Variants in ARHGAP40 observed in about 807,000 individuals in gnomAD.
ARHGAP40 encodes the protein rho GTPase-activating protein 40.
Under a neutral mutation model 73.5 loss-of-function variants are expected in ARHGAP40, and 43 were observed. The observed-to-expected ratio is 0.58, with a 90% CI of 0.46 to 0.75. ARHGAP40 has a LOEUF of 0.75. Ranked by LOEUF, ARHGAP40 falls within the 30% of genes least tolerant of loss-of-function variation. The probability of loss-of-function intolerance (pLI) is 0.00; values close to 1 mark genes in which losing one functional copy is unlikely to be tolerated. For missense variants in ARHGAP40, 734 were observed against 861.8 expected (o/e 0.85, Z 1.86); for synonymous variants, 300 against 352.8 (o/e 0.85, Z 1.68).
rs1215152003 is a variant in ARHGAP40 at position 38,641,710 on chromosome 20, C to A, written c.1280-16C>A. 1 of 1,293,476 alleles carries A rather than the reference C, an allele frequency of 7.7e-7. No individual in the cohort carries two copies. Among genetic ancestry groups the A allele is most frequent in the Non-Finnish European group, 1.0e-6 (1 of 984,212 alleles). 80.1% of individuals were successfully genotyped at this position (1,293,476 alleles called of 1,614,324 possible). A position where few individuals can be genotyped will look rare whatever the true frequency, so the allele number is the denominator to read the frequency against. On this transcript the variant is annotated splice_polypyrimidine_tract_variant and intron_variant, in intron 9 of 14. Transcript: ENST00000373345. Reference sequence around the variant, plus strand: ...CTGAGCCTCCCATGGAGACTGAGGTCCCTCCCTTCCCGCAGACATCCCCAA... The same window carrying A: ...CTGAGCCTCCCATGGAGACTGAGGTACCTCCCTTCCCGCAGACATCCCCAA...
At chr20:38,622,045 C>A (rs184535415) in intron 1 of ARHGAP40, among the ~76,000 whole-genome samples, 1 of 151,450 alleles carries the variant, frequency 6.6e-6, no homozygotes, top group African/African-American at 2.4e-5. Flanking sequence ...TAGAACCAGA[C>A]CTTGCCTCAA....
In ARHGAP40 at chr20:38,623,382, T is replaced by G. The variant is rs556938634; in HGVS notation, c.161T>G (p.Met54Arg). ...AGCTCTGGCCCCTCCTCAGGCCGAA[T>G]GGATCAGCTTCCCCAGAAGAATCTC... The change falls in exon 2 of 15, where the codon ATG (methionine) becomes AGG (arginine). Residue 54 changes from methionine (M) to arginine (R), a missense_variant. Met to Arg is a moderately conservative substitution (Grantham distance 91). Coordinates refer to ENST00000373345, the Ensembl canonical transcript of ARHGAP40. 104 of 1,290,726 alleles carry G rather than the reference T, an allele frequency of 8.1e-5. No homozygotes were observed. In the African/African-American group the frequency reaches 1.3e-3, roughly 17 times the overall value. 80.0% of individuals were successfully genotyped at this position (1,290,726 alleles called of 1,614,324 possible).
intron 13 of ARHGAP40, 62 bp from the exon 14 acceptor site, chr20:38,648,581 G>T: frequency 8.0e-7 from 1 of 1,253,218 alleles, no homozygotes. Flanking sequence ...CACAGTTGTT[G>T]GTCTTGATGT....
Position 38,646,505 on chromosome 20 carries a change from T to C in ARHGAP40, c.1710+318T>C, listed in dbSNP as rs918315317. Among the ~76,000 whole-genome samples, 3 of 152,048 alleles carry C rather than the reference T, an allele frequency of 2.0e-5. No individual in the cohort carries two copies. Among genetic ancestry groups the C allele is most frequent in the African/African-American group, 7.2e-5 (3 of 41,406 alleles). ...AGTCGCTCTGCGGGGTGTGAGGTGA[T>C]TGGGGCTGGGTGGGGGATAGTAGAA... On this transcript the variant is annotated intron_variant, in intron 12 of 14. Transcript: ENST00000373345. This position sits in a 1 kb window ranked among gnomAD's most constrained non-coding sequence, Gnocchi z 4.5.
At chr20:38,643,809 G>C in exon 11 of ARHGAP40, 1 of 1,305,668 alleles carries the variant, frequency 7.7e-7, no homozygotes, top group South Asian at 1.2e-5. Flanking sequence ...TCTGCACCAA[G>C]GGCGGCCCCC....
chr20:38,627,325 T>C (rs954020770), intron 3 of ARHGAP40, 110 bp downstream of exon 3: 7 of 1,011,908 alleles, frequency 6.9e-6, no homozygotes, highest in Non-Finnish European at 8.0e-6. Context: ...GGTGTGTGTA[T>C]GTGTGTGTTG....
In ARHGAP40 at chr20:38,646,621, G is replaced by A. The variant is rs1171567726; in HGVS notation, c.1711-336G>A. On this transcript the variant is annotated intron_variant, in intron 12 of 14. Coordinates refer to ENST00000373345, the Ensembl canonical transcript of ARHGAP40. This position sits in a 1 kb window ranked among gnomAD's most constrained non-coding sequence, Gnocchi z 4.5. ...GTCCCGATTAGAGAAATTGATGAGC[G>A]TTGAGGCTGCACCGTGCACGATGTG... is the stretch of plus-strand genomic sequence containing the variant. 1.3e-5 allele frequency among the ~76,000 whole-genome samples: 2 copies of A among 152,156 alleles called. No individual in the cohort carries two copies. Among genetic ancestry groups the A allele is most frequent in the East Asian group, 1.9e-4 (1 of 5,198 alleles).
chr20:38,611,418 T>TG (rs2088804188), intron 1 of ARHGAP40, among the ~76,000 whole-genome samples: 1 of 150,202 alleles, frequency 6.7e-6, no homozygotes, highest in Non-Finnish European at 1.5e-5. Flanking sequence ...TAAAACTTTT[T>TG]TTTTTTTTTT....
At chr20:38,647,354 C>T (rs994108961) in intron 13 of ARHGAP40, among the ~76,000 whole-genome samples, 1 of 148,878 alleles carries the variant, frequency 6.7e-6, no homozygotes, top group Non-Finnish European at 1.5e-5. Flanking sequence ...TGAATGCCTA[C>T]CACCAGGCAC....
At chr20:38,606,550 C>G (rs1189831092) in intron 1 of ARHGAP40, among the ~76,000 whole-genome samples, 4 of 152,038 alleles carry the variant, frequency 2.6e-5, no homozygotes, top group East Asian at 1.9e-4. Flanking sequence ...TTTAATTTGC[C>G]CTTTTTATTA....
intron 8 of ARHGAP40, 22 bp from the exon 9 acceptor site, chr20:38,639,205 T>A: frequency 2.3e-6 from 3 of 1,303,998 alleles, no homozygotes; most frequent in Non-Finnish European, 3.0e-6. Context: ...CAACTGTGTT[T>A]TCATGCCCCG....
At chr20:38,626,995 A>G (rs772348328) in exon 3 of ARHGAP40, 1 of 1,303,496 alleles carries the variant, frequency 7.7e-7, no homozygotes, top group South Asian at 1.2e-5. Context: ...CTGTTGGCAG[A>G]AGGGGAAGCT....
At chr20:38,648,015 A>G (rs1376122637) in intron 13 of ARHGAP40, among the ~76,000 whole-genome samples, 1 of 152,172 alleles carries the variant, frequency 6.6e-6, no homozygotes, top group Non-Finnish European at 1.5e-5. Context: ...TTCCTAGGGT[A>G]CAGGAAACAG....
Position 38,623,362 on chromosome 20 carries a change from TG to T in ARHGAP40, c.143del (p.Gly48AlafsTer51). The T allele has an allele frequency of 7.8e-7, 1 of 1,289,052 alleles. No homozygotes were observed. The highest frequency in any genetic ancestry group is 1.0e-6 in the Non-Finnish European group (1 of 987,886). The allele number at this position is 1,289,052 out of a possible 1,614,324, so 79.9% of individuals were successfully genotyped here. A position where few individuals can be genotyped will look rare whatever the true frequency, so the allele number is the denominator to read the frequency against. On this transcript the variant is annotated frameshift_variant, in exon 2 of 15. Transcript: ENST00000373345. LOFTEE classifies it high-confidence loss of function. ...GCACCTTCCCCACTTGCTACAGCTC[TG>T]GCCCCTCCTCAGGCCGAATGGATCA...
intron 1 of ARHGAP40, among the ~76,000 whole-genome samples, chr20:38,614,518 G>A (rs2088823183): frequency 6.6e-6 from 1 of 151,456 alleles, no homozygotes; most frequent in African/African-American, 2.4e-5. Flanking sequence ...CAAGAAGGGG[G>A]AAAAAAAACC....
intron 1 of ARHGAP40, 37 bp from the exon 2 acceptor site, chr20:38,623,322 C>T (rs1301885370): frequency 4.4e-5 from 55 of 1,248,250 alleles, no homozygotes; most frequent in East Asian, 5.7e-5. Context: ...TAAGCAGAGA[C>T]TTGCTGACCT....
Position 38,646,149 on chromosome 20 carries a change from C to T in ARHGAP40, c.1672C>T (p.His558Tyr). The T allele has an allele frequency of 1.5e-6, 2 of 1,303,958 alleles. No homozygotes were observed. The highest frequency in any genetic ancestry group is 2.0e-6 in the Non-Finnish European group (2 of 988,702). 80.8% of individuals were successfully genotyped at this position (1,303,958 alleles called of 1,614,324 possible). A position where few individuals can be genotyped will look rare whatever the true frequency, so the allele number is the denominator to read the frequency against. Residue 558 changes from histidine to tyrosine, a missense_variant, in exon 12 of 15, where the codon CAC becomes TAC. Transcript: ENST00000373345. This position sits in a 1 kb window ranked among gnomAD's most constrained non-coding sequence, Gnocchi z 4.5. Reference sequence around the variant, plus strand: ...CCTCAAGACTTGGCTGCGGAGGATGCACGCAGACAGGGACAAGGCGGGGGA... The same window carrying T: ...CCTCAAGACTTGGCTGCGGAGGATGTACGCAGACAGGGACAAGGCGGGGGA...
intron 1 of ARHGAP40, among the ~76,000 whole-genome samples, chr20:38,607,485 T>C (rs1469835720): frequency 6.6e-6 from 1 of 152,202 alleles, no homozygotes; most frequent in Admixed American, 6.5e-5. Flanking sequence ...AGGGGCCTCC[T>C]CAGATCCTGC....
chr20:38,646,521 G>T lies in ARHGAP40; in HGVS notation c.1710+334G>T, dbSNP rs948934178. On this transcript the variant is annotated intron_variant, in intron 12 of 14. Coordinates refer to ENST00000373345, the Ensembl canonical transcript of ARHGAP40. The surrounding 1 kb of genome is among the most constrained non-coding windows in gnomAD (Gnocchi z 4.5). Reference sequence around the variant, plus strand: ...GTGAGGTGATTGGGGCTGGGTGGGGGATAGTAGAAGGGAAGAGCCTTCCAA... The same window carrying T: ...GTGAGGTGATTGGGGCTGGGTGGGGTATAGTAGAAGGGAAGAGCCTTCCAA... Among the ~76,000 whole-genome samples, 16 of 152,220 alleles carry T rather than the reference G, an allele frequency of 1.1e-4. No individual in the cohort carries two copies. The highest frequency in any genetic ancestry group is 1.9e-4 in the Non-Finnish European group (13 of 68,038).
Sources: gnomAD v4.1 joint callset for allele counts (sites outside exome capture counted in the v4.1 genomes callset) on GRCh38, gnomAD v4.1.1 for gene constraint, Gnocchi (gnomAD v3.1) non-coding constraint, MANE v1.5 for transcripts, NCBI Gene and HGNC (gene_info 2026-07-23, HGNC 2026-07-21) for gene names.